The following TRPS1 variants were observed in gnomAD, a reference collection of about 807,000 sequenced individuals.
The protein encoded by TRPS1 is zinc finger transcription factor Trps1.
In TRPS1, 6 loss-of-function variants were observed where a neutral mutation model predicts 101.2. The ratio of observed to expected loss-of-function variants is 0.06; its 90% CI spans 0.03 to 0.12. The LOEUF (loss-of-function observed/expected upper bound fraction) is 0.12, where lower values mean the gene tolerates loss of function less well. TRPS1 is among the 10% of genes least tolerant of loss of function. TRPS1 has a pLI of 1.00. For synonymous variants in TRPS1, 578 were observed against 589.8 expected, an observed-to-expected ratio of 0.98 and a Z score of 0.29; for missense variants, 1,363 against 1,567.0, an observed-to-expected ratio of 0.87 and a Z score of 2.20.
intron 5 of TRPS1, among the ~76,000 whole-genome samples, chr8:115,544,071 C>A (rs759965738): frequency 6.6e-6 from 1 of 151,318 alleles, no homozygotes; most frequent in African/African-American, 2.4e-5. Flanking sequence ...ATGTAAAGAA[C>A]ATTTCAGGCT....
chr8:115,643,059 T>C (rs1012561358), intron 1 of TRPS1, among the ~76,000 whole-genome samples: 2 of 152,104 alleles, frequency 1.3e-5, no homozygotes, highest in Non-Finnish European at 2.9e-5. Flanking sequence ...GGCAATAGTA[T>C]TATGTTTAAA....
intron 4 of TRPS1, among the ~76,000 whole-genome samples, chr8:115,599,012 G>C (rs974000538): frequency 6.6e-6 from 1 of 151,996 alleles, no homozygotes; most frequent in Non-Finnish European, 1.5e-5. Context: ...GTCTTTCATT[G>C]GTTCTAGAAA....
In TRPS1 at chr8:115,418,459, CAG is replaced by C. The variant is rs368655299; in HGVS notation, c.2701-9_2701-8del. On this transcript the variant is annotated splice_polypyrimidine_tract_variant and splice_region_variant and intron_variant, in intron 5 of 6. Coordinates refer to ENST00000395715, the MANE Select transcript of TRPS1 (RefSeq NM_014112.5). This position sits in a 1 kb window ranked among gnomAD's most constrained non-coding sequence, Gnocchi z 4.3. ...CACCGGAGCCTCTACGCCTCTGAAA[CAG>C]GGGAAAAAAACCAAGGTCAGAGGTG... is the stretch of plus-strand genomic sequence containing the variant. The C allele has an allele frequency of 1.2e-4, 188 of 1,614,014 alleles. No individual in the cohort carries two copies. The highest frequency in any genetic ancestry group is 1.1e-3 in the African/African-American group (82 of 75,014).
At chr8:115,642,258 A>G (rs1185467545) in intron 1 of TRPS1, among the ~76,000 whole-genome samples, 3 of 148,332 alleles carry the variant, frequency 2.0e-5, no homozygotes, top group Non-Finnish European at 4.5e-5. Context: ...GTATATATAT[A>G]TATACACACA....
At chr8:115,621,468 T>A (rs1286602851) in intron 2 of TRPS1, among the ~76,000 whole-genome samples, 1 of 152,246 alleles carries the variant, frequency 6.6e-6, no homozygotes, top group African/African-American at 2.4e-5. Context: ...TGGCTTTGGA[T>A]AGACAAGTGT....
intron 3 of TRPS1, among the ~76,000 whole-genome samples, chr8:115,616,417 C>T (rs1362822013): frequency 1.3e-5 from 2 of 152,094 alleles, no homozygotes; most frequent in Admixed American, 1.3e-4. Flanking sequence ...CTGTATATCT[C>T]ATATTTGCTC....
chr8:115,560,635 C>T (rs767901399), intron 5 of TRPS1, among the ~76,000 whole-genome samples: 6 of 152,202 alleles, frequency 3.9e-5, no homozygotes, highest in Non-Finnish European at 7.4e-5. Context: ...CCTGAACTTA[C>T]AAAGTTTACT....
chr8:115,584,003 C>G (rs1000540411), intron 5 of TRPS1, among the ~76,000 whole-genome samples: 5 of 151,844 alleles, frequency 3.3e-5, no homozygotes, highest in Non-Finnish European at 7.4e-5. Flanking sequence ...TTGAGAAGTA[C>G]AGCAAACTTT....
At chr8:115,438,486 T>C (rs1191961900) in intron 5 of TRPS1, among the ~76,000 whole-genome samples, 3 of 152,202 alleles carry the variant, frequency 2.0e-5, no homozygotes, top group African/African-American at 4.8e-5. Flanking sequence ...TGAAGGGTCA[T>C]GAATATGAAG....
chr8:115,578,160 A>G (rs541483837), intron 5 of TRPS1, among the ~76,000 whole-genome samples: 22 of 152,328 alleles, frequency 1.4e-4, no homozygotes, highest in Admixed American at 1.1e-3. Flanking sequence ...TGTATTCCAT[A>G]TATGTGATAA....
At chr8:115,620,497 G>T in intron 2 of TRPS1, among the ~76,000 whole-genome samples, 1 of 151,990 alleles carries the variant, frequency 6.6e-6, no homozygotes, top group South Asian at 2.1e-4. Flanking sequence ...ATGTGTTTAT[G>T]GTTATAGAAT....
chr8:115,527,184 C>CT (rs982247960), intron 5 of TRPS1, among the ~76,000 whole-genome samples: 56 of 150,850 alleles, frequency 3.7e-4, no homozygotes, highest in African/African-American at 1.2e-3. Flanking sequence ...AGCCCTCAGC[C>CT]TTTTTTTTTC....
At chr8:115,598,011 G>C (rs2721928) in intron 4 of TRPS1, among the ~76,000 whole-genome samples, 1 of 152,134 alleles carries the variant, frequency 6.6e-6, no homozygotes, top group Non-Finnish European at 1.5e-5. Context: ...AAGTTTAACA[G>C]ACACAGGTTA....
intron 5 of TRPS1, among the ~76,000 whole-genome samples, chr8:115,420,495 C>A (rs1294564306): frequency 6.6e-6 from 1 of 152,142 alleles, no homozygotes; most frequent in Non-Finnish European, 1.5e-5. Context: ...GAAATTAACC[C>A]ACATATATGG....
chr8:115,608,118 C>T (rs781065166), intron 3 of TRPS1, among the ~76,000 whole-genome samples: 2 of 152,122 alleles, frequency 1.3e-5, no homozygotes, highest in Non-Finnish European at 2.9e-5. Context: ...CTGAATCCAT[C>T]ACGGAGTAGG....
At chr8:115,559,615 A>C (rs1183801417) in intron 5 of TRPS1, among the ~76,000 whole-genome samples, 1 of 152,160 alleles carries the variant, frequency 6.6e-6, no homozygotes, top group Non-Finnish European at 1.5e-5. Flanking sequence ...ATATATGTTT[A>C]TTGAATGTGT....
intron 5 of TRPS1, among the ~76,000 whole-genome samples, chr8:115,521,251 T>G (rs1815853619): frequency 6.6e-6 from 1 of 151,890 alleles, no homozygotes; most frequent in Admixed American, 6.6e-5. Context: ...TGATAGTGAA[T>G]CCTACTGCTG....
chr8:115,530,769 T>C (rs1318706079), intron 5 of TRPS1, among the ~76,000 whole-genome samples: 1 of 151,856 alleles, frequency 6.6e-6, no homozygotes, highest in African/African-American at 2.4e-5. Flanking sequence ...GATGAGTTCA[T>C]GTCCTTTGTA....
At chr8:115,651,782 C>T (rs1488562701) in intron 1 of TRPS1, among the ~76,000 whole-genome samples, 2 of 152,090 alleles carry the variant, frequency 1.3e-5, no homozygotes, top group African/African-American at 4.8e-5. Flanking sequence ...GCGTAGAAGG[C>T]ATTTCATAAG....
Sources: allele counts gnomAD v4.1 joint callset (sites outside exome capture counted in the v4.1 genomes callset), GRCh38; gene constraint gnomAD v4.1.1; non-coding constraint Gnocchi (gnomAD v3.1); transcripts MANE v1.5; gene names NCBI Gene and HGNC (gene_info 2026-07-23, HGNC 2026-07-21).